The following EIF4E3 variants were observed in gnomAD, a reference collection of about 807,000 sequenced individuals.
EIF4E3 encodes eukaryotic translation initiation factor 4E family member 3.
EIF4E3 carries 26 observed loss-of-function variants against 31.7 expected under a neutral mutation model. The observed-to-expected ratio is 0.82, with a 90% CI of 0.60 to 1.14. EIF4E3 has a LOEUF of 1.14. Ranked by LOEUF, EIF4E3 falls within the 50% of genes most tolerant of loss-of-function variation. The pLI is 0.00. For missense variants in EIF4E3, 304 were observed against 270.9 expected, an observed-to-expected ratio of 1.12 and a Z score of -0.86; for synonymous variants, 128 against 107.7, an observed-to-expected ratio of 1.19 and a Z score of -1.17.
the EIF4E3 span, among the ~76,000 whole-genome samples, chr3:71,668,838 A>G: frequency 5.9e-3 from 892 of 152,282 alleles, 10 homozygotes; most frequent in African/African-American, 0.02. Flanking sequence ...ACAGTGTGGC[A>G]ATTCCTCAAG....
In EIF4E3 at chr3:71,705,857, G is replaced by A. The variant is rs927783931; in HGVS notation, c.249+4555C>T. On this transcript the variant is annotated intron_variant, in intron 2 of 6. Coordinates refer to ENST00000425534, the MANE Select transcript of EIF4E3 (RefSeq NM_001134651.2). ...TTCCCAGGCTGAACTCGAACTCTTG[G>A]GCTCACGCAATCCTCCCACCTCAGC... is the stretch of plus-strand genomic sequence containing the variant. 2.6e-5 allele frequency among the ~76,000 whole-genome samples: 4 copies of A among 151,988 alleles called. No individual in the cohort carries two copies. In the East Asian group the frequency reaches 7.7e-4, roughly 29 times the overall value.
intron 1 of EIF4E3, among the ~76,000 whole-genome samples, chr3:71,738,677 T>C (rs2049788899): frequency 6.6e-6 from 1 of 151,780 alleles, no homozygotes; most frequent in African/African-American, 2.4e-5. Context: ...TTGACAGACC[T>C]GAAAGGAGAT....
chr3:71,723,928 C>G (rs2049588456), intron 1 of EIF4E3, among the ~76,000 whole-genome samples: 1 of 151,972 alleles, frequency 6.6e-6, no homozygotes, highest in Admixed American at 6.6e-5. Context: ...AGTGACAATT[C>G]TTATAGACGG....
At chr3:71,714,301 G>A (rs2321975) in intron 1 of EIF4E3, among the ~76,000 whole-genome samples, 3 of 93,978 alleles carry the variant, frequency 3.2e-5, no homozygotes, top group African/African-American at 4.6e-5. Flanking sequence ...AAGGAAGGAA[G>A]GAACGAAAGA....
At chr3:71,748,886 C>T (rs530014672) in intron 1 of EIF4E3, among the ~76,000 whole-genome samples, 34 of 152,206 alleles carry the variant, frequency 2.2e-4, no homozygotes, top group Middle Eastern at 3.4e-3. Flanking sequence ...AATTAGGTTT[C>T]TAGGAAGCAG....
At chr3:71,714,803 C>A (rs2049440376) in intron 1 of EIF4E3, among the ~76,000 whole-genome samples, 1 of 152,160 alleles carries the variant, frequency 6.6e-6, no homozygotes, top group Non-Finnish European at 1.5e-5. Flanking sequence ...AGTAGCAGTG[C>A]AAGCTGTTCA....
chr3:71,710,313 C>T (rs185645331), intron 2 of EIF4E3, 99 bp downstream of exon 2: 1 of 1,382,340 alleles, frequency 7.2e-7, no homozygotes, highest in Admixed American at 2.0e-5. Flanking sequence ...GAGCAGAACC[C>T]TGGACAGGGG....
At chr3:71,745,064 T>G (rs1325404315) in intron 1 of EIF4E3, among the ~76,000 whole-genome samples, 5 of 152,236 alleles carry the variant, frequency 3.3e-5, no homozygotes, top group Non-Finnish European at 7.3e-5. Flanking sequence ...CAAGTTCACA[T>G]GGGAGTCTAA....
At chr3:71,668,821 G>A in the EIF4E3 span, among the ~76,000 whole-genome samples, 1 of 152,204 alleles carries the variant, frequency 6.6e-6, no homozygotes, top group Non-Finnish European at 1.5e-5. Context: ...TTCAACCATT[G>A]TGGAATACAG....
At chr3:71,730,001 A>T (rs1559610314), upstream of EIF4E3, among the ~76,000 whole-genome samples, 1 of 152,212 alleles carries the variant, frequency 6.6e-6, no homozygotes, top group Non-Finnish European at 1.5e-5. Context: ...CTTTAACAGC[A>T]AAAGAAAAAG....
At position 71,692,847 on chromosome 3, in the gene EIF4E3, G is replaced by A. The variant is rs141249611; in HGVS notation, c.472+1028C>T. ...TGGCCTCAAGTGATCCTCCCATCTT[G>A]GCCTCCCAAAGTGCTGGGATTACAG... On this transcript the variant is annotated intron_variant, in intron 5 of 6. Transcript: ENST00000425534. Among the ~76,000 whole-genome samples, 543 of 152,142 alleles carry A rather than the reference G, an allele frequency of 3.6e-3. 3 individuals are homozygous for A. The highest frequency in any genetic ancestry group is 0.012 in the African/African-American group (488 of 41,506).
intron 1 of EIF4E3, among the ~76,000 whole-genome samples, chr3:71,716,874 G>A (rs893802112): frequency 3.3e-5 from 5 of 152,148 alleles, no homozygotes; most frequent in African/African-American, 1.2e-4. Flanking sequence ...GGCCCCAGCT[G>A]TCCTGCAGCT....
upstream of EIF4E3, chr3:71,725,449 C>T (rs1020403810): frequency 8.1e-6 from 7 of 863,232 alleles, no homozygotes; most frequent in African/African-American, 5.6e-5. This position sits in a 1 kb window ranked among gnomAD's most constrained non-coding sequence, Gnocchi z 6.1. Flanking sequence ...CCCCGCCCCG[C>T]CCCGCCCCGC....
At chr3:71,730,989 G>A (rs2049700373) in intron 1 of EIF4E3, among the ~76,000 whole-genome samples, 1 of 152,074 alleles carries the variant, frequency 6.6e-6, no homozygotes, top group Non-Finnish European at 1.5e-5. Context: ...CTTCCAAAAT[G>A]CTGGAATTAC....
chr3:71,688,554 T>C (rs1260473002), intron 6 of EIF4E3, among the ~76,000 whole-genome samples: 3 of 152,132 alleles, frequency 2.0e-5, no homozygotes, highest in Admixed American at 6.5e-5. Context: ...CGACCCCAAA[T>C]TGGTGTTCTC....
At chr3:71,714,451 TGGGCACC>T (rs1267792464) in intron 1 of EIF4E3, among the ~76,000 whole-genome samples, 1 of 152,178 alleles carries the variant, frequency 6.6e-6, no homozygotes, top group Non-Finnish European at 1.5e-5. Flanking sequence ...TTCCAGCTGA[TGGGCACC>T]TTTCTGAATA....
Position 71,680,636 on chromosome 3 carries a change from G to C in EIF4E3, c.*4046C>G, listed in dbSNP as rs2048912479. On this transcript the variant is annotated 3_prime_UTR_variant, in exon 7 of 7. Coordinates refer to ENST00000425534, the MANE Select transcript of EIF4E3 (RefSeq NM_001134651.2). Reference sequence around the variant, plus strand: ...AATCTGACATGAAAGGAATCTATTTGGGATTTCTTCTTGGGAGAAGTAGAG... The same window carrying C: ...AATCTGACATGAAAGGAATCTATTTCGGATTTCTTCTTGGGAGAAGTAGAG... 1 of 152,152 alleles carries C rather than the reference G, an allele frequency of 6.6e-6. No homozygotes were observed. The highest frequency in any genetic ancestry group is 2.1e-4 in the South Asian group (1 of 4,828). 9.4% of individuals were successfully genotyped at this position (152,152 alleles called of 1,614,324 possible).
At chr3:71,692,114 G>A (rs1042070904) in intron 5 of EIF4E3, among the ~76,000 whole-genome samples, 1 of 152,190 alleles carries the variant, frequency 6.6e-6, no homozygotes, top group Non-Finnish European at 1.5e-5. Flanking sequence ...GTAAAAAAAG[G>A]CTGCAACTCT....
upstream of EIF4E3, chr3:71,753,716 G>C (rs995844366): frequency 3.1e-4 from 47 of 150,532 alleles, no homozygotes; most frequent in South Asian, 8.8e-4. Flanking sequence ...GCAGAGCCAA[G>C]AGGCGCGGCG....
Sources: allele counts gnomAD v4.1 joint callset (sites outside exome capture counted in the v4.1 genomes callset), GRCh38; gene constraint gnomAD v4.1.1; non-coding constraint Gnocchi (gnomAD v3.1); transcripts MANE v1.5; gene names NCBI Gene and HGNC (gene_info 2026-07-23, HGNC 2026-07-21).